Variants in KCNJ12 observed in about 807,000 individuals in gnomAD.
KCNJ12 encodes ATP-sensitive inward rectifier potassium channel 12.
KCNJ12 carries 2 observed loss-of-function variants against 22.3 expected under a neutral mutation model. That is an observed-to-expected ratio of 0.09 (90% confidence interval 0.04 to 0.28). The LOEUF (loss-of-function observed/expected upper bound fraction) is 0.28, where lower values mean the gene tolerates loss of function less well. KCNJ12 is among the 10% of genes least tolerant of loss of function. The pLI, the probability that KCNJ12 is intolerant of heterozygous loss-of-function variation, is 1.00. For synonymous variants in KCNJ12, 117 were observed against 261.4 expected, an observed-to-expected ratio of 0.45 and a Z score of 5.33; for missense variants, 155 against 633.3, an observed-to-expected ratio of 0.24 and a Z score of 8.11.
chr17:21,412,690 C>G (rs1365078263), intron 2 of KCNJ12, among the ~76,000 whole-genome samples: 1 of 152,312 alleles, frequency 6.6e-6, no homozygotes, highest in African/African-American at 2.4e-5. Flanking sequence ...TCCACCATTC[C>G]GGCCCTGCGT....
At chr17:21,391,786 A>G (rs1905217194) in intron 1 of KCNJ12, among the ~76,000 whole-genome samples, 1 of 152,146 alleles carries the variant, frequency 6.6e-6, no homozygotes, top group South Asian at 2.1e-4. Context: ...CTGGGCTCCC[A>G]TCTACCTCGA....
intron 2 of KCNJ12, among the ~76,000 whole-genome samples, chr17:21,409,084 G>T (rs1235258041): frequency 6.6e-6 from 1 of 152,310 alleles, no homozygotes; most frequent in African/African-American, 2.4e-5. Flanking sequence ...TTTCCTGGGT[G>T]CCCCTCTTTG....
At chr17:21,393,926 GCCA>G (rs1369726809) in intron 1 of KCNJ12, among the ~76,000 whole-genome samples, 1 of 152,202 alleles carries the variant, frequency 6.6e-6, no homozygotes, top group Non-Finnish European at 1.5e-5. Flanking sequence ...GGCCAAGGGT[GCCA>G]CTGAGGGCAC....
At chr17:21,398,505 T>TC (rs2142059813) in intron 1 of KCNJ12, among the ~76,000 whole-genome samples, 1 of 152,328 alleles carries the variant, frequency 6.6e-6, no homozygotes, top group South Asian at 2.1e-4. Flanking sequence ...CCAATGGGCT[T>TC]CCTTGCTGGG....
chr17:21,384,770 GT>G (rs200586129), intron 1 of KCNJ12, among the ~76,000 whole-genome samples: 53,365 of 128,224 alleles, frequency 0.42, 7,402 homozygotes, highest in Middle Eastern at 0.56. Flanking sequence ...TTGTTTGTTT[GT>G]TTTTTTTTTT....
intron 1 of KCNJ12, among the ~76,000 whole-genome samples, chr17:21,378,744 C>A (rs1180064574): frequency 2.0e-5 from 3 of 152,060 alleles, no homozygotes; most frequent in South Asian, 4.1e-4. Context: ...GAGGGCATGG[C>A]TGACACCCCT....
chr17:21,381,273 T>C (rs1555557908), intron 1 of KCNJ12, among the ~76,000 whole-genome samples: 1 of 152,108 alleles, frequency 6.6e-6, no homozygotes. Context: ...GGACTCAGGC[T>C]TGGAGAGGGG....
intron 1 of KCNJ12, among the ~76,000 whole-genome samples, chr17:21,399,522 A>C (rs1555560248): frequency 6.6e-6 from 1 of 152,152 alleles, no homozygotes; most frequent in African/African-American, 2.4e-5. Context: ...ACAGCACAGC[A>C]GGGGCCAAAC....
intron 1 of KCNJ12, among the ~76,000 whole-genome samples, chr17:21,406,340 G>T (rs1458110366): frequency 6.6e-5 from 10 of 152,308 alleles, no homozygotes; most frequent in Non-Finnish European, 1.5e-4. Context: ...CTGCCGTGGA[G>T]GTCCCCAGCT....
intron 1 of KCNJ12, among the ~76,000 whole-genome samples, chr17:21,388,288 C>T (rs779567000): frequency 8.5e-5 from 13 of 152,140 alleles, no homozygotes; most frequent in Non-Finnish European, 1.5e-4. Flanking sequence ...TCGCTTCAGA[C>T]GCCTGAGCGG....
chr17:21,381,299 TA>T (rs1163366970), intron 1 of KCNJ12, among the ~76,000 whole-genome samples: 3 of 152,024 alleles, frequency 2.0e-5, no homozygotes, highest in Non-Finnish European at 2.9e-5. Flanking sequence ...GAACAAACAA[TA>T]AAGCTTATGG....
chr17:21,383,414 G>T (rs548689828), intron 1 of KCNJ12, among the ~76,000 whole-genome samples: 4 of 152,228 alleles, frequency 2.6e-5, no homozygotes, highest in Non-Finnish European at 2.9e-5. Flanking sequence ...GCCAGAGAGG[G>T]TCCAGGGGAG....
intron 2 of KCNJ12, among the ~76,000 whole-genome samples, chr17:21,410,055 G>A (rs1157028006): frequency 6.6e-6 from 1 of 152,128 alleles, no homozygotes; most frequent in Non-Finnish European, 1.5e-5. Flanking sequence ...ACCAGCCTGG[G>A]TTCTCCCCCA....
chr17:21,377,557 C>A (rs1904706880), intron 1 of KCNJ12, among the ~76,000 whole-genome samples: 1 of 152,164 alleles, frequency 6.6e-6, no homozygotes, highest in Non-Finnish European at 1.5e-5. Context: ...CTGAGAAGCT[C>A]CCAGGGTTTC....
intron 1 of KCNJ12, among the ~76,000 whole-genome samples, chr17:21,388,652 A>G (rs1905134252): frequency 6.6e-6 from 1 of 152,162 alleles, no homozygotes; most frequent in African/African-American, 2.4e-5. Context: ...TGGCACCCCA[A>G]AACAATAATG....
At chr17:21,410,135 G>A (rs1906234736) in intron 2 of KCNJ12, among the ~76,000 whole-genome samples, 1 of 152,296 alleles carries the variant, frequency 6.6e-6, no homozygotes, top group African/African-American at 2.4e-5. Flanking sequence ...GGCTCTGGCA[G>A]TGTCCCCCAG....
chr17:21,404,746 G>A (rs1262564811), intron 1 of KCNJ12, among the ~76,000 whole-genome samples: 1 of 152,228 alleles, frequency 6.6e-6, no homozygotes, highest in Admixed American at 6.5e-5. Context: ...TGGGGCCAAG[G>A]ACACCCTCTC....
intron 1 of KCNJ12, among the ~76,000 whole-genome samples, chr17:21,382,301 G>T (rs1042291800): frequency 5.3e-5 from 8 of 152,196 alleles, no homozygotes; most frequent in African/African-American, 7.2e-5. Flanking sequence ...GAGGCCTGGG[G>T]CGTGGGGCCT....
At chr17:21,408,142 G>A (rs1285639359) in intron 1 of KCNJ12, among the ~76,000 whole-genome samples, 2 of 152,298 alleles carry the variant, frequency 1.3e-5, no homozygotes, top group Non-Finnish European at 2.9e-5. Context: ...TTGTGACAGT[G>A]GGAGAATTAC....
Sources: allele counts gnomAD v4.1 joint callset (sites outside exome capture counted in the v4.1 genomes callset), GRCh38; gene constraint gnomAD v4.1.1; transcripts MANE v1.5; gene names NCBI Gene and HGNC (gene_info 2026-07-23, HGNC 2026-07-21).